The following PCDHA4 variants were observed in gnomAD, a reference collection of about 807,000 sequenced individuals.
PCDHA4 encodes the protein protocadherin alpha 4.
PCDHA4 carries 49 observed loss-of-function variants against 61.4 expected under a neutral mutation model. The observed-to-expected ratio is 0.80, with a 90% CI of 0.63 to 1.01. The LOEUF (loss-of-function observed/expected upper bound fraction) is 1.01, where lower values mean the gene tolerates loss of function less well. PCDHA4 is among the 50% of genes least tolerant of loss of function. The pLI, the probability that PCDHA4 is intolerant of heterozygous loss-of-function variation, is 0.00. For missense variants in PCDHA4, 1,254 were observed against 1,235.8 expected, an observed-to-expected ratio of 1.01 and a Z score of -0.22; for synonymous variants, 590 against 550.3, an observed-to-expected ratio of 1.07 and a Z score of -1.01.
chr5:140,844,251 A>G (rs1554140582), intron 1 of PCDHA4, among the ~76,000 whole-genome samples: 1 of 149,748 alleles, frequency 6.7e-6, no homozygotes, highest in East Asian at 1.9e-4. Flanking sequence ...CGTTTTAAGC[A>G]GTGTAGTGAT....
chr5:140,856,479 C>T, intron 1 of PCDHA4: 1 of 1,598,354 alleles, frequency 6.3e-7, no homozygotes, highest in Non-Finnish European at 8.6e-7. Context: ...ATACCTGAAT[C>T]CAGACTGCTT....
chr5:140,967,052 A>C (rs1554229118), intron 1 of PCDHA4: 1 of 1,612,532 alleles, frequency 6.2e-7, no homozygotes, highest in Non-Finnish European at 8.5e-7. Context: ...GGACCTGACG[A>C]GTGGAGCGCT....
At chr5:140,876,558 T>C in intron 1 of PCDHA4, 1 of 1,614,216 alleles carries the variant, frequency 6.2e-7, no homozygotes, top group Non-Finnish European at 8.5e-7. Flanking sequence ...TGCAAGAGGA[T>C]GCTCAGGTGG....
chr5:140,829,646 G>A, intron 1 of PCDHA4: 2 of 1,612,376 alleles, frequency 1.2e-6, no homozygotes, highest in Non-Finnish European at 8.5e-7. Flanking sequence ...CAAGGTGTAC[G>A]CGCTGCAGCC....
chr5:140,855,892 G>A, intron 1 of PCDHA4: 3 of 1,011,396 alleles, frequency 3.0e-6, no homozygotes, highest in Non-Finnish European at 4.3e-6. Context: ...TAGAACAAAG[G>A]CATCAGCCAG....
intron 1 of PCDHA4, chr5:140,842,659 C>T: frequency 6.9e-6 from 11 of 1,595,302 alleles, no homozygotes; most frequent in African/African-American, 1.3e-5. Context: ...TGGAGGTGGC[C>T]GACGTGAACG....
At position 140,871,619 on chromosome 5, in the gene PCDHA4, A is replaced by G. The variant is rs1214249274; in HGVS notation, c.2385+62047A>G. ...ACCAGTGTTTTGAATATTGTTTTAG[A>G]TAACAATGTCTGTTCATAAAATACC... On this transcript the variant is annotated intron_variant, in intron 1 of 3. Coordinates refer to ENST00000530339, the MANE Select transcript of PCDHA4 (RefSeq NM_018907.4). 17 of 1,415,418 alleles carry G rather than the reference A, an allele frequency of 1.2e-5. No individual in the cohort carries two copies. In the Admixed American group the frequency reaches 3.9e-4, roughly 33 times the overall value. The allele number at this position is 1,415,418 out of a possible 1,614,324, so 87.7% of individuals were successfully genotyped here.
chr5:141,000,782 C>T (rs149032263), intron 3 of PCDHA4, among the ~76,000 whole-genome samples: 174 of 152,002 alleles, frequency 1.1e-3, no homozygotes, highest in African/African-American at 3.9e-3. Flanking sequence ...TGGCGCACAC[C>T]TGTATTCCTA....
chr5:140,939,729 G>A (rs1376988004), intron 1 of PCDHA4, among the ~76,000 whole-genome samples: 16 of 152,166 alleles, frequency 1.1e-4, no homozygotes, highest in Admixed American at 1.0e-3. Context: ...ATTGTTGTGT[G>A]TAGCTGTGTA....
intron 1 of PCDHA4, among the ~76,000 whole-genome samples, chr5:140,817,749 C>T (rs2150098940): frequency 6.6e-6 from 1 of 152,086 alleles, no homozygotes; most frequent in Non-Finnish European, 1.5e-5. Context: ...GATCATTTTC[C>T]TTCTGAAGAA....
intron 1 of PCDHA4, chr5:140,810,406 A>T (rs915741328): frequency 5.9e-5 from 9 of 152,166 alleles, no homozygotes; most frequent in African/African-American, 2.2e-4. Context: ...TGTAGCTAAC[A>T]CCAACCAATT....
At position 140,968,542 on chromosome 5, in the gene PCDHA4, G is replaced by A. The variant is rs782474856; in HGVS notation, c.2386-10407G>A. On this transcript the variant is annotated intron_variant, in intron 1 of 3. Transcript: ENST00000530339. ...CAACCAACTCGTCAGCAGCCTTCGA[G>A]ATGGTGCCTCGAACTGCCCCTGCTG... is the stretch of plus-strand genomic sequence containing the variant. The A allele has an allele frequency of 1.1e-5, 18 of 1,614,204 alleles. 2 individuals are homozygous for A. In the South Asian group the frequency reaches 2.0e-4, roughly 18 times the overall value.
chr5:140,875,651 T>C lies in PCDHA4; in HGVS notation c.2385+66079T>C, dbSNP rs782085221. 1.4e-5 allele frequency: 23 copies of C among 1,613,722 alleles called. No homozygotes were observed. The East Asian group carries it at 5.1e-4, about 36-fold the overall frequency. On this transcript the variant is annotated intron_variant, in intron 1 of 3. Transcript: ENST00000530339. The stretch of plus-strand genomic sequence containing the variant: ...CTGGGGCTGGAGCTGGCGGAGCTGG[T>C]GCCGCGCCTGTTCCGGGTGGCGTCC...
At chr5:140,946,611 A>AATATAT (rs1554217734) in intron 1 of PCDHA4, among the ~76,000 whole-genome samples, 1,127 of 86,766 alleles carry the variant, frequency 0.013, 130 homozygotes, top group African/African-American at 0.067. Flanking sequence ...GAAAATGTGA[A>AATATAT]ATATATATAT....
Position 140,807,184 on chromosome 5 carries a change from A to G in PCDHA4, c.-4A>G. Reference sequence around the variant, plus strand: ...TAATCAGAACAAAATACTGTGCACTAAAGATGGAGTTTTCCTGGGGAAGCG... The same window carrying G: ...TAATCAGAACAAAATACTGTGCACTGAAGATGGAGTTTTCCTGGGGAAGCG... On this transcript the variant is annotated 5_prime_UTR_variant, in exon 1 of 4. Transcript: ENST00000530339. 1.2e-6 allele frequency: 2 copies of G among 1,612,714 alleles called. No individual in the cohort carries two copies. Among genetic ancestry groups the G allele is most frequent in the Non-Finnish European group, 1.7e-6 (2 of 1,179,254 alleles).
At chr5:140,820,473 T>C (rs2150107106) in intron 1 of PCDHA4, among the ~76,000 whole-genome samples, 2 of 152,136 alleles carry the variant, frequency 1.3e-5, no homozygotes, top group African/African-American at 4.8e-5. Flanking sequence ...AGGTAAGGGA[T>C]ATTTTGTAAT....
chr5:140,840,412 A>G (rs1776685297), intron 1 of PCDHA4, among the ~76,000 whole-genome samples: 3 of 151,982 alleles, frequency 2.0e-5, no homozygotes, highest in Non-Finnish European at 4.4e-5. Flanking sequence ...GAATACTTCA[A>G]ATAATAGGCT....
At chr5:140,953,413 C>T (rs965115726) in intron 1 of PCDHA4, among the ~76,000 whole-genome samples, 1 of 152,120 alleles carries the variant, frequency 6.6e-6, no homozygotes, top group Non-Finnish European at 1.5e-5. Context: ...GCTCCTGGCT[C>T]CTCCCCTTTG....
intron 1 of PCDHA4, chr5:140,816,520 T>A (rs909613527): frequency 6.6e-6 from 1 of 152,074 alleles, no homozygotes; most frequent in Non-Finnish European, 1.5e-5. Flanking sequence ...TGTGTGTGTG[T>A]GTGTGTGTGT....
Sources: allele counts gnomAD v4.1 joint callset (sites outside exome capture counted in the v4.1 genomes callset), GRCh38; gene constraint gnomAD v4.1.1; transcripts MANE v1.5; gene names NCBI Gene and HGNC (gene_info 2026-07-23, HGNC 2026-07-21).